The following NAPA variants were observed in gnomAD, a reference collection of about 807,000 sequenced individuals.
The protein encoded by NAPA is NSF attachment protein alpha.
A neutral mutation model predicts 48.0 loss-of-function variants in NAPA; 18 were observed. That is an observed-to-expected ratio of 0.38 (90% CI 0.26 to 0.56). NAPA has a LOEUF of 0.56. NAPA is among the 20% of genes least tolerant of loss of function. The pLI is 0.77. For missense variants in NAPA, 315 were observed against 385.0 expected, an observed-to-expected ratio of 0.82 and a Z score of 1.52; for synonymous variants, 152 against 149.9, an observed-to-expected ratio of 1.01 and a Z score of -0.10.
At chr19:47,484,579 G>C (rs1186460869), downstream of NAPA, 1 of 188,202 alleles carries the variant, frequency 5.3e-6, no homozygotes, top group Non-Finnish European at 1.1e-5. Flanking sequence ...GTGGAGGTAG[G>C]TACTTAAATC....
chr19:47,504,088 G>GT (rs1968642811), intron 1 of NAPA, among the ~76,000 whole-genome samples: 1 of 151,508 alleles, frequency 6.6e-6, no homozygotes, highest in African/African-American at 2.4e-5. Flanking sequence ...TCCCATTTGT[G>GT]TTTAAAAAAA....
intron 2 of NAPA, 137 bp downstream of exon 2, chr19:47,503,286 G>A: frequency 1.3e-6 from 1 of 767,752 alleles, no homozygotes; most frequent in Non-Finnish European, 2.3e-6. Flanking sequence ...AAGAGAGCAG[G>A]CCAGTGGCTT....
Position 47,493,453 on chromosome 19 carries a change from G to C in NAPA, c.383C>G (p.Ala128Gly). Residue 128 changes from alanine (A) to glycine (G), a missense_variant, in exon 5 of 11, where the codon GCT (alanine) becomes GGT (glycine). By Grantham distance (60) the Ala-to-Gly change is moderately conservative. This residue lies in a region of NAPA where 173 missense variants were observed against 213.5 expected (regional missense o/e 0.81). Transcript: ENST00000263354. This position sits in a 1 kb window ranked among gnomAD's most constrained non-coding sequence, Gnocchi z 6.4. ...CACCAACTCTGTCTCATAGATCTCA[G>C]CAATGGAGATGTGGTGCTTGGCCGC... ...TIAAKHHISIAEIYETELVDI... is the reference protein window; with the variant it reads ...TIAAKHHISIGEIYETELVDI... The C allele has an allele frequency of 1.2e-6, 2 of 1,614,076 alleles. No individual in the cohort carries two copies. Among genetic ancestry groups the C allele is most frequent in the African/African-American group, 1.3e-5 (1 of 75,054 alleles).
chr19:47,513,660 C>T (rs752360261), intron 1 of NAPA, among the ~76,000 whole-genome samples: 1 of 151,892 alleles, frequency 6.6e-6, no homozygotes, highest in Non-Finnish European at 1.5e-5. Flanking sequence ...CTCAGCATGT[C>T]TCTGTCATCC....
Position 47,495,616 on chromosome 19 carries a change from G to A in NAPA, c.296-20C>T, listed in dbSNP as rs773473434. 8.1e-6 allele frequency: 13 copies of A among 1,613,186 alleles called. No individual in the cohort carries two copies. The African/African-American group carries it at 1.3e-4, about 17-fold the overall frequency. On this transcript the variant is annotated intron_variant, in intron 3 of 10. Coordinates refer to ENST00000263354, the MANE Select transcript of NAPA (RefSeq NM_003827.4). Reference sequence around the variant, plus strand: ...TGGCCTCTGGAGAGAAAGGGAGGTGGGAGGAGACATGAGAAAGTGAAGTCG... The same window carrying A: ...TGGCCTCTGGAGAGAAAGGGAGGTGAGAGGAGACATGAGAAAGTGAAGTCG...
At chr19:47,495,479 G>C (rs1968396685) in intron 4 of NAPA, 71 bp downstream of exon 4, 1 of 1,510,156 alleles carries the variant, frequency 6.6e-7, no homozygotes. Context: ...TGGGGGTGCT[G>C]AAAGAGGGGA....
intron 1 of NAPA, among the ~76,000 whole-genome samples, chr19:47,503,815 A>G (rs1968637282): frequency 6.6e-6 from 1 of 152,210 alleles, no homozygotes; most frequent in Non-Finnish European, 1.5e-5. Flanking sequence ...TGCCTGGGAT[A>G]CTAGGGGCCC....
intron 1 of NAPA, among the ~76,000 whole-genome samples, chr19:47,513,576 T>C (rs892782156): frequency 3.3e-5 from 5 of 152,176 alleles, no homozygotes; most frequent in African/African-American, 1.2e-4. Context: ...GTGTCAGCTT[T>C]TAGGAGCTAA....
Position 47,500,063 on chromosome 19 carries a change from T to G in NAPA, c.295+570A>C, listed in dbSNP as rs192514096. Among the ~76,000 whole-genome samples the G allele has an allele frequency of 6.6e-5, 10 of 152,294 alleles. No individual in the cohort carries two copies. In the East Asian group the frequency reaches 1.5e-3, roughly 24 times the overall value. The stretch of plus-strand genomic sequence containing the variant: ...GGCACCCAGGGGGACAAAACTGTTT[T>G]CTCACCATGAGTCAGCCCCAAACTG... On this transcript the variant is annotated intron_variant, in intron 3 of 10. Coordinates refer to ENST00000263354, the MANE Select transcript of NAPA (RefSeq NM_003827.4).
chr19:47,488,177 C>T lies in NAPA; in HGVS notation c.*111G>A. On this transcript the variant is annotated 3_prime_UTR_variant, in exon 11 of 11. Transcript: ENST00000263354. ...CCCCGGTGCCACCTGCCCACTGTGG[C>T]CCGCGGCACTCCCCAGATGGGAAAG... is the stretch of plus-strand genomic sequence containing the variant. The T allele has an allele frequency of 9.7e-7, 1 of 1,032,160 alleles. No homozygotes were observed. Among genetic ancestry groups the T allele is most frequent in the Non-Finnish European group, 1.4e-6 (1 of 702,490 alleles). The allele number at this position is 1,032,160 out of a possible 1,614,324, so 63.9% of individuals were successfully genotyped here.
chr19:47,493,249 C>G lies in NAPA; in HGVS notation c.421-75G>C. On this transcript the variant is annotated intron_variant, in intron 5 of 10. Coordinates refer to ENST00000263354, the MANE Select transcript of NAPA (RefSeq NM_003827.4). This position sits in a 1 kb window ranked among gnomAD's most constrained non-coding sequence, Gnocchi z 6.4. ...GAGGCCTCCGTGAAGCTTCCACACC[C>G]TCCGCCCTGCCTGCCTGGGACACAG... The G allele has an allele frequency of 6.6e-7, 1 of 1,514,924 alleles. No homozygotes were observed. Among genetic ancestry groups the G allele is most frequent in the East Asian group, 2.3e-5 (1 of 44,136 alleles). The allele number at this position is 1,514,924 out of a possible 1,614,324, so 93.8% of individuals were successfully genotyped here.
intron 1 of NAPA, among the ~76,000 whole-genome samples, chr19:47,513,918 C>A (rs1164924554): frequency 2.0e-5 from 1 of 49,438 alleles, no homozygotes; most frequent in South Asian, 7.7e-4. Flanking sequence ...GGCTCGATCT[C>A]GGCTCACTGC....
intron 1 of NAPA, among the ~76,000 whole-genome samples, chr19:47,507,562 A>T (rs916573997): frequency 1.3e-5 from 2 of 152,168 alleles, no homozygotes; most frequent in Non-Finnish European, 2.9e-5. Flanking sequence ...TGGAAGCCAC[A>T]GCCACAGGCC....
At chr19:47,498,469 C>T (rs531833085) in intron 3 of NAPA, among the ~76,000 whole-genome samples, 9 of 152,176 alleles carry the variant, frequency 5.9e-5, no homozygotes, top group Admixed American at 3.9e-4. Context: ...CTTTAACAGA[C>T]GAGGAAACAG....
rs1230898574 is a variant in NAPA, at chr19:47,506,500, T to C, written c.99-2998A>G. ...ACCCCACAGGTCCCCCAGCTCAGCC[T>C]TCCCTTCTTTTTGAGTGTGACTAAG... On this transcript the variant is annotated intron_variant, in intron 1 of 10. Transcript: ENST00000263354. The surrounding 1 kb of genome is among the most constrained non-coding windows in gnomAD (Gnocchi z 4.0). 2.0e-5 allele frequency among the ~76,000 whole-genome samples: 3 copies of C among 152,314 alleles called. No individual in the cohort carries two copies. Among genetic ancestry groups the C allele is most frequent in the Admixed American group, 2.0e-4 (3 of 15,296 alleles).
intron 7 of NAPA, 62 bp from the exon 8 acceptor site, chr19:47,492,181 C>G: frequency 7.0e-7 from 1 of 1,423,074 alleles, no homozygotes; most frequent in Non-Finnish European, 9.8e-7. Context: ...GCCAGAGCCA[C>G]TGCCAGGCAC....
chr19:47,501,762 C>T (rs1968582790), intron 2 of NAPA, among the ~76,000 whole-genome samples: 1 of 152,268 alleles, frequency 6.6e-6, no homozygotes, highest in South Asian at 2.1e-4. Context: ...TGCAGCTGAC[C>T]ACCTCCAGCT....
At chr19:47,486,364 A>C, downstream of NAPA, among the ~76,000 whole-genome samples, 1 of 152,104 alleles carries the variant, frequency 6.6e-6, no homozygotes, top group East Asian at 1.9e-4. Flanking sequence ...CAAAAAAAAA[A>C]CAAACCCAAA....
chr19:47,512,788 T>C (rs1323178343), intron 1 of NAPA: 8 of 152,332 alleles, frequency 5.3e-5, no homozygotes, highest in Admixed American at 4.6e-4. Context: ...CAAGTTATTT[T>C]GCTAAACATT....
Sources: allele counts gnomAD v4.1 joint callset (sites outside exome capture counted in the v4.1 genomes callset), GRCh38; gene constraint gnomAD v4.1.1; regional missense constraint gnomAD v4.1.1; non-coding constraint Gnocchi (gnomAD v3.1); transcripts MANE v1.5; gene names NCBI Gene and HGNC (gene_info 2026-07-23, HGNC 2026-07-21).